The following NOL4 variants were observed in gnomAD, a reference collection of about 807,000 sequenced individuals.
The protein encoded by NOL4 is nucleolar protein 4, also known as cancer/testis antigen 125.
A neutral mutation model predicts 75.9 loss-of-function variants in NOL4; 17 were observed. The ratio of observed to expected loss-of-function variants is 0.22; its 90% CI spans 0.15 to 0.34. The LOEUF (loss-of-function observed/expected upper bound fraction) is 0.34, where lower values mean the gene tolerates loss of function less well. NOL4 is among the 10% of genes least tolerant of loss of function. The pLI is 1.00. For missense variants in NOL4, 614 were observed against 793.5 expected (o/e 0.77, Z 2.72); for synonymous variants, 292 against 289.9 (o/e 1.01, Z -0.07).
rs562270574 is a variant in NOL4, at chr18:34,068,011, C to A, written c.772+25454G>T. Among the ~76,000 whole-genome samples, 8 of 151,854 alleles carry A rather than the reference C, an allele frequency of 5.3e-5. No individual in the cohort carries two copies. The East Asian group carries it at 1.6e-3, about 29-fold the overall frequency. On this transcript the variant is annotated intron_variant, in intron 5 of 10. Transcript: ENST00000261592. ...CATCCAAAGATGAAGCCACAAGGCA[C>A]TGCAAAGTAAAGAGATGGGAGAAAT...
At chr18:33,971,223 A>C (rs2071030705) in intron 6 of NOL4, among the ~76,000 whole-genome samples, 2 of 152,342 alleles carry the variant, frequency 1.3e-5, no homozygotes, top group South Asian at 4.1e-4. Context: ...CAGAATCTGT[A>C]ATCCCAAACA....
At chr18:33,909,412 T>C (rs796228198) in intron 9 of NOL4, among the ~76,000 whole-genome samples, 7 of 152,320 alleles carry the variant, frequency 4.6e-5, no homozygotes, top group African/African-American at 1.7e-4. Context: ...CATTTCCAAG[T>C]GGCTACTGGA....
intron 5 of NOL4, among the ~76,000 whole-genome samples, chr18:34,068,714 G>C (rs940177380): frequency 6.6e-6 from 1 of 152,084 alleles, no homozygotes; most frequent in African/African-American, 2.4e-5. Context: ...GCTTATTTCT[G>C]AGCATCCTCA....
chr18:34,022,953 A>G (rs1489179501), intron 5 of NOL4, among the ~76,000 whole-genome samples: 1 of 152,132 alleles, frequency 6.6e-6, no homozygotes, highest in Non-Finnish European at 1.5e-5. Flanking sequence ...CCTTGTTTTT[A>G]TATCAATAAA....
chr18:33,907,297 C>A (rs1352829951), intron 9 of NOL4, among the ~76,000 whole-genome samples: 2 of 143,710 alleles, frequency 1.4e-5, no homozygotes, highest in Admixed American at 7.1e-5. Context: ...GCACTCCAGC[C>A]TGGGCGACAG....
At chr18:34,108,850 T>C (rs928136577) in intron 2 of NOL4, among the ~76,000 whole-genome samples, 12 of 152,110 alleles carry the variant, frequency 7.9e-5, no homozygotes, top group South Asian at 4.1e-4. Flanking sequence ...ATGAACCTAA[T>C]GGACATATAC....
At chr18:34,217,036 T>C (rs770011922) in intron 1 of NOL4, among the ~76,000 whole-genome samples, 4 of 152,288 alleles carry the variant, frequency 2.6e-5, no homozygotes, top group Admixed American at 6.5e-5. Context: ...TTTTGGCATA[T>C]ATTTCTAGAG....
At chr18:34,130,049 C>A in intron 1 of NOL4, 29 bp from the exon 2 acceptor site, 1 of 1,483,808 alleles carries the variant, frequency 6.7e-7, no homozygotes, top group African/African-American at 1.4e-5. Context: ...CAACAAAAAC[C>A]CATAAGATTA....
intron 1 of NOL4, among the ~76,000 whole-genome samples, chr18:34,173,476 G>GTA (rs1433699458): frequency 6.6e-6 from 1 of 151,986 alleles, no homozygotes; most frequent in Non-Finnish European, 1.5e-5. Context: ...ATTACACAAT[G>GTA]TATATGTGTA....
At chr18:33,936,833 A>T (rs1275139259) in intron 9 of NOL4, among the ~76,000 whole-genome samples, 1 of 152,118 alleles carries the variant, frequency 6.6e-6, no homozygotes, top group East Asian at 1.9e-4. Flanking sequence ...TCATCCCTCA[A>T]AACCAGCAAA....
intron 5 of NOL4, among the ~76,000 whole-genome samples, chr18:34,086,924 T>C (rs1033172748): frequency 1.3e-5 from 2 of 152,100 alleles, no homozygotes; most frequent in African/African-American, 4.8e-5. Context: ...TTGAAACACA[T>C]ACAAACACAT....
chr18:34,185,735 C>A (rs2034413041), intron 1 of NOL4, among the ~76,000 whole-genome samples: 2 of 152,100 alleles, frequency 1.3e-5, no homozygotes, highest in African/African-American at 4.8e-5. Context: ...TTGTACCTCT[C>A]ATTTCAAGAA....
At chr18:34,000,717 T>C (rs1411723991) in intron 6 of NOL4, among the ~76,000 whole-genome samples, 1 of 152,108 alleles carries the variant, frequency 6.6e-6, no homozygotes, top group Non-Finnish European at 1.5e-5. Flanking sequence ...AAGCACTTGA[T>C]AATGTCTCTT....
At chr18:34,078,567 G>T (rs537356476) in intron 5 of NOL4, among the ~76,000 whole-genome samples, 2 of 152,202 alleles carry the variant, frequency 1.3e-5, no homozygotes, top group Admixed American at 1.3e-4. Flanking sequence ...TTTCAAAAGG[G>T]GAAGTGTAGG....
In NOL4 at chr18:33,957,521, T is replaced by C; in HGVS notation, c.1237-4A>G. On this transcript the variant is annotated splice_region_variant and splice_polypyrimidine_tract_variant and intron_variant, in intron 7 of 10. Coordinates refer to ENST00000261592, the MANE Select transcript of NOL4 (RefSeq NM_003787.5). ...CTACAAACAGCCTGACAAACATCTG[T>C]TGGCAAGAGGGAGACAGAGGAGAAG... is the stretch of plus-strand genomic sequence containing the variant. 6.2e-7 allele frequency: 1 copy of C among 1,611,588 alleles called. No homozygotes were observed. The highest frequency in any genetic ancestry group is 8.5e-7 in the Non-Finnish European group (1 of 1,178,472).
chr18:33,942,081 T>C (rs1359301034), intron 9 of NOL4, among the ~76,000 whole-genome samples: 1 of 151,994 alleles, frequency 6.6e-6, no homozygotes, highest in Admixed American at 6.6e-5. Context: ...TCAATGCTGA[T>C]GTAATTCTGA....
At chr18:34,174,702 GGT>G (rs2033378244) in intron 1 of NOL4, among the ~76,000 whole-genome samples, 1 of 151,848 alleles carries the variant, frequency 6.6e-6, no homozygotes, top group Non-Finnish European at 1.5e-5. Context: ...GACAGGCCCC[GGT>G]GTGTGATGTT....
Position 34,066,699 on chromosome 18 carries a change from A to C in NOL4, c.772+26766T>G, listed in dbSNP as rs552995465. Among the ~76,000 whole-genome samples the C allele has an allele frequency of 6.3e-4, 95 of 151,796 alleles. 1 individual carries two copies. In the East Asian group the frequency reaches 0.016, roughly 25 times the overall value. The stretch of plus-strand genomic sequence containing the variant: ...AAAGCTTTTCTTCTAAAAAAAAAAA[A>C]AACAACACTGAAGTATAAGTGTATG... On this transcript the variant is annotated intron_variant, in intron 5 of 10. Coordinates refer to ENST00000261592, the MANE Select transcript of NOL4 (RefSeq NM_003787.5).
chr18:34,055,281 C>T (rs2076789628), intron 5 of NOL4, among the ~76,000 whole-genome samples: 1 of 151,966 alleles, frequency 6.6e-6, no homozygotes, highest in African/African-American at 2.4e-5. Flanking sequence ...TCACTTATAG[C>T]ATTTCTTGTA....
Sources: gnomAD v4.1 joint callset for allele counts (sites outside exome capture counted in the v4.1 genomes callset) on GRCh38, gnomAD v4.1.1 for gene constraint, MANE v1.5 for transcripts, NCBI Gene and HGNC (gene_info 2026-07-23, HGNC 2026-07-21) for gene names.